VAV3: variants seen among roughly 807,000 people sequenced by gnomAD.
The protein encoded by VAV3 is guanine nucleotide exchange factor VAV3.
VAV3 carries 94 observed loss-of-function variants against 131.2 expected under a neutral mutation model. The observed-to-expected ratio is 0.72, with a 90% CI of 0.61 to 0.85. VAV3 has a LOEUF of 0.85. VAV3 is among the 40% of genes least tolerant of loss of function. VAV3 has a pLI of 0.00. For missense variants in VAV3, 939 were observed against 1,002.7 expected (o/e 0.94, Z 0.86); for synonymous variants, 349 against 342.0 (o/e 1.02, Z -0.22).
At chr1:107,697,301 C>T (rs531933244) in intron 17 of VAV3, among the ~76,000 whole-genome samples, 3 of 152,318 alleles carry the variant, frequency 2.0e-5, no homozygotes, top group South Asian at 4.1e-4. Context: ...CTTACCATTT[C>T]ATACCGCTAA....
At chr1:107,609,062 T>A (rs1469326989) in intron 22 of VAV3, among the ~76,000 whole-genome samples, 1 of 152,146 alleles carries the variant, frequency 6.6e-6, no homozygotes, top group South Asian at 2.1e-4. Context: ...CACTCACTAG[T>A]TGCATGCTCT....
In VAV3 at chr1:107,657,605, C is replaced by T. The variant is rs541174807; in HGVS notation, c.1778-14850G>A. ...CCACAGTGGTTCATATCACTTTGGA[C>T]GTATTACTTCTGATCTAGCATGACA... On this transcript the variant is annotated intron_variant, in intron 19 of 26. Coordinates refer to ENST00000370056, the MANE Select transcript of VAV3 (RefSeq NM_006113.5). 1.9e-4 allele frequency among the ~76,000 whole-genome samples: 29 copies of T among 152,124 alleles called. No homozygotes were observed. In the East Asian group the frequency reaches 4.4e-3, roughly 23 times the overall value.
intron 1 of VAV3, among the ~76,000 whole-genome samples, chr1:107,952,476 A>ATATATATATATATATG (rs1674594749): frequency 7.1e-6 from 1 of 140,608 alleles, no homozygotes; most frequent in Non-Finnish European, 1.5e-5. Context: ...CTTTATATAT[A>ATATATATATATATATG]TATATATATA....
chr1:107,902,875 G>C (rs12087699), intron 1 of VAV3, among the ~76,000 whole-genome samples: 24,552 of 152,096 alleles, frequency 0.16, 2,083 homozygotes, highest in South Asian at 0.22. Flanking sequence ...ATAACACATA[G>C]AGAACCTAAT....
Position 107,751,179 on chromosome 1 carries a change from T to A in VAV3, c.1197A>T (p.Gly399=). 1 of 1,612,594 alleles carries A rather than the reference T, an allele frequency of 6.2e-7. No individual in the cohort carries two copies. Among genetic ancestry groups the A allele is most frequent in the Non-Finnish European group, 8.5e-7 (1 of 1,179,478 alleles). ...GAATTTCACCATCTCCCTGAGGTCG[T>A]CCAAAAAGCAAAACTGGTTGGTTCT... ...ENLNQPVLLF[G]RPQGDGEIRI... is the part of the protein sequence containing the mutation. Residue 399 remains glycine, a synonymous_variant, in exon 13 of 27, where the codon GGA becomes GGT. Transcript: ENST00000370056.
At position 107,872,338 on chromosome 1, in the gene VAV3, C is replaced by T. The variant is rs189768405; in HGVS notation, c.321+2563G>A. Among the ~76,000 whole-genome samples the T allele has an allele frequency of 2.6e-5, 4 of 152,272 alleles. No individual in the cohort carries two copies. In the East Asian group the frequency reaches 7.7e-4, roughly 29 times the overall value. On this transcript the variant is annotated intron_variant, in intron 2 of 26. Coordinates refer to ENST00000370056, the MANE Select transcript of VAV3 (RefSeq NM_006113.5). ...CTAGGTGCTGCTATCATAATTAATA[C>T]ATTCTTTGGCAAAAAGATGCCAAAT...
At chr1:107,919,369 T>C (rs1305008031) in intron 1 of VAV3, among the ~76,000 whole-genome samples, 3 of 152,258 alleles carry the variant, frequency 2.0e-5, no homozygotes, top group Non-Finnish European at 1.5e-5. Flanking sequence ...AGTGAGCCTA[T>C]TTTAATGAAA....
At chr1:107,709,946 C>T (rs991817916) in intron 15 of VAV3, among the ~76,000 whole-genome samples, 1 of 152,044 alleles carries the variant, frequency 6.6e-6, no homozygotes, top group Non-Finnish European at 1.5e-5. Context: ...AATATTTTTA[C>T]AAAAAACTAT....
chr1:107,771,507 C>T (rs1211166194), intron 5 of VAV3, among the ~76,000 whole-genome samples: 1 of 152,194 alleles, frequency 6.6e-6, no homozygotes, highest in East Asian at 1.9e-4. Flanking sequence ...CCTGCCTCGG[C>T]CTCTCAGAGT....
chr1:107,808,031 T>C (rs953256944), intron 2 of VAV3, among the ~76,000 whole-genome samples: 1 of 152,182 alleles, frequency 6.6e-6, no homozygotes, highest in Non-Finnish European at 1.5e-5. Context: ...ACCTGACCAA[T>C]GATGATTGAT....
intron 15 of VAV3, among the ~76,000 whole-genome samples, chr1:107,721,187 C>T (rs915275354): frequency 2.0e-5 from 3 of 152,058 alleles, no homozygotes; most frequent in Non-Finnish European, 4.4e-5. Flanking sequence ...GTGAAGTTAA[C>T]GGAATTCAAA....
chr1:107,883,622 A>C (rs750742166), intron 1 of VAV3, among the ~76,000 whole-genome samples: 44 of 152,132 alleles, frequency 2.9e-4, no homozygotes, highest in Non-Finnish European at 5.7e-4. Flanking sequence ...AATATCAATA[A>C]AGATTTTAAA....
chr1:107,876,402 G>A (rs1329837503), intron 1 of VAV3, among the ~76,000 whole-genome samples: 1 of 152,158 alleles, frequency 6.6e-6, no homozygotes, highest in Non-Finnish European at 1.5e-5. Flanking sequence ...GGAGAACAGA[G>A]AAATGGTCAA....
chr1:107,604,021 A>C (rs1652075455), intron 22 of VAV3, among the ~76,000 whole-genome samples: 1 of 152,188 alleles, frequency 6.6e-6, no homozygotes, highest in Admixed American at 6.5e-5. Context: ...CAGAAACTCC[A>C]TAATAACTGT....
intron 1 of VAV3, among the ~76,000 whole-genome samples, chr1:107,953,642 C>A (rs1209305234): frequency 6.6e-6 from 1 of 152,206 alleles, no homozygotes; most frequent in African/African-American, 2.4e-5. Flanking sequence ...GAAGGCCACA[C>A]AGCCTGTCAG....
chr1:107,689,481 G>C (rs1277982963), intron 17 of VAV3, among the ~76,000 whole-genome samples: 1 of 151,964 alleles, frequency 6.6e-6, no homozygotes, highest in Non-Finnish European at 1.5e-5. Context: ...TGGAACAGGA[G>C]GTTGGTTTGT....
chr1:107,617,409 C>T (rs1003526742), intron 21 of VAV3, among the ~76,000 whole-genome samples, 158 bp downstream of exon 21: 2 of 151,966 alleles, frequency 1.3e-5, no homozygotes, highest in Admixed American at 6.5e-5. Context: ...CATATTCTGA[C>T]AATAGAACTA....
chr1:107,615,679 C>T (rs1174579848), intron 21 of VAV3, among the ~76,000 whole-genome samples: 1 of 151,352 alleles, frequency 6.6e-6, no homozygotes, highest in African/African-American at 2.4e-5. Context: ...GAATGGGAGA[C>T]AATATTTGTA....
At chr1:107,833,110 G>A (rs1668325034) in intron 2 of VAV3, among the ~76,000 whole-genome samples, 1 of 152,158 alleles carries the variant, frequency 6.6e-6, no homozygotes. Context: ...CATGTCAAAA[G>A]CTGAGGCAAG....
Sources: allele counts gnomAD v4.1 joint callset (sites outside exome capture counted in the v4.1 genomes callset), GRCh38; gene constraint gnomAD v4.1.1; transcripts MANE v1.5; gene names NCBI Gene and HGNC (gene_info 2026-07-23, HGNC 2026-07-21).